Variants in SNX13 observed in about 807,000 individuals in gnomAD.
SNX13 encodes the protein sorting nexin-13.
Under a neutral mutation model 133.6 loss-of-function variants are expected in SNX13, and 45 were observed. The ratio of observed to expected loss-of-function variants is 0.34; its 90% CI spans 0.27 to 0.43. The LOEUF is 0.43. Among genes scored for constraint, SNX13 ranks in the 20% least tolerant of loss-of-function variants. The pLI is 1.00. For missense variants in SNX13, 1,032 were observed against 1,145.1 expected (o/e 0.90, Z 1.43); for synonymous variants, 414 against 373.9 (o/e 1.11, Z -1.24).
rs1766986398 is a variant in SNX13, at chr7:17,790,987, AT to A, written c.*3057del. On this transcript the variant is annotated 3_prime_UTR_variant, in exon 26 of 26. Coordinates refer to ENST00000428135, the MANE Select transcript of SNX13 (RefSeq NM_015132.5). ...TATAATCCTAAAATGTGCTCTTCAT[AT>A]TTTTTCCCTTGTAATACAGGAGCCA... The A allele has an allele frequency of 6.6e-6, 1 of 151,972 alleles. No individual in the cohort carries two copies. The highest frequency in any genetic ancestry group is 2.1e-4 in the South Asian group (1 of 4,832). The allele number at this position is 151,972 out of a possible 1,614,324, so 9.4% of individuals were successfully genotyped here.
Position 17,814,889 on chromosome 7 carries a change from T to C in SNX13, c.2009A>G (p.Tyr670Cys). The C allele has an allele frequency of 1.9e-6, 3 of 1,549,938 alleles. No individual in the cohort carries two copies. The highest frequency in any genetic ancestry group is 2.6e-6 in the Non-Finnish European group (3 of 1,155,332). ...GTAGGCTTTGTTCTCAAGGAAATCA[T>C]ACACATAGTGAGCTAAAGCGGGGGA... ...KASPALAHYV[Y>C]DFLENKAYSK... The change falls in exon 20 of 26, where the codon TAT becomes TGT. Residue 670 changes from tyrosine (Y) to cysteine (C), a missense_variant. Transcript: ENST00000428135.
intron 4 of SNX13, among the ~76,000 whole-genome samples, chr7:17,891,139 G>GT (rs890218783): frequency 3.3e-5 from 5 of 151,754 alleles, no homozygotes; most frequent in African/African-American, 7.2e-5. Flanking sequence ...AGGGGGCATA[G>GT]TTTTTTTACC....
At chr7:17,901,462 G>C (rs754598197) in intron 1 of SNX13, among the ~76,000 whole-genome samples, 3 of 152,130 alleles carry the variant, frequency 2.0e-5, no homozygotes, top group African/African-American at 7.2e-5. Flanking sequence ...CAGTGGCAAG[G>C]GTTGCTGGAC....
chr7:17,888,685 C>T, intron 5 of SNX13: 1 of 470,786 alleles, frequency 2.1e-6, no homozygotes, highest in South Asian at 1.5e-5. Context: ...CTCCACTGAG[C>T]AGGGACTTTG....
rs749743751 is a variant in SNX13, at chr7:17,897,487, C to T, written c.13-41G>A. ...AATATAAGTAAATTAGTAAATAATT[C>T]TCCACATGAATTAGAAAAGAACCAA... is the stretch of plus-strand genomic sequence containing the variant. On this transcript the variant is annotated intron_variant, in intron 1 of 25. Coordinates refer to ENST00000428135, the MANE Select transcript of SNX13 (RefSeq NM_015132.5). The T allele has an allele frequency of 5.2e-6, 6 of 1,147,626 alleles. No homozygotes were observed. The South Asian group carries it at 6.9e-5, about 13-fold the overall frequency. 71.1% of individuals were successfully genotyped at this position (1,147,626 alleles called of 1,614,324 possible). A position where few individuals can be genotyped will look rare whatever the true frequency, so the allele number is the denominator to read the frequency against.
At chr7:17,801,439 C>A in intron 22 of SNX13, 149 bp downstream of exon 22, 1 of 617,354 alleles carries the variant, frequency 1.6e-6, no homozygotes, top group Non-Finnish European at 2.8e-6. Context: ...GTGTTAATTA[C>A]ATGGGCATGT....
intron 1 of SNX13, among the ~76,000 whole-genome samples, chr7:17,934,328 T>G (rs987845573): frequency 3.3e-5 from 5 of 152,190 alleles, no homozygotes; most frequent in Non-Finnish European, 7.3e-5. Flanking sequence ...AAAGCCATAA[T>G]CTGAGAACCT....
intron 1 of SNX13, among the ~76,000 whole-genome samples, chr7:17,906,877 A>T (rs1486894178): frequency 6.6e-6 from 1 of 152,110 alleles, no homozygotes; most frequent in Non-Finnish European, 1.5e-5. Context: ...CTTTAAACTG[A>T]TTCAACAAAA....
chr7:17,905,393 A>G (rs1214184841), intron 1 of SNX13, among the ~76,000 whole-genome samples: 1 of 152,224 alleles, frequency 6.6e-6, no homozygotes, highest in Non-Finnish European at 1.5e-5. Context: ...TAAAATATAC[A>G]TGTAATGATA....
At position 17,845,501 on chromosome 7, in the gene SNX13, T is replaced by C. The variant is rs368992578; in HGVS notation, c.1165+94A>G. 1.9e-4 allele frequency: 141 copies of C among 750,974 alleles called. 2 individuals carry two copies. The highest frequency in any genetic ancestry group is 1.7e-3 in the African/African-American group (95 of 55,860). The allele number at this position is 750,974 out of a possible 1,614,324, so 46.5% of individuals were successfully genotyped here. A position where few individuals can be genotyped will look rare whatever the true frequency, so the allele number is the denominator to read the frequency against. ...TATCACTGAACTATACACTTAAAAA[T>C]AGTTGAGATACTAAATTTTATGTGT... On this transcript the variant is annotated intron_variant, in intron 12 of 25. Coordinates refer to ENST00000428135, the MANE Select transcript of SNX13 (RefSeq NM_015132.5).
intron 17 of SNX13, among the ~76,000 whole-genome samples, chr7:17,824,687 C>G (rs958235103): frequency 1.3e-5 from 2 of 151,666 alleles, no homozygotes; most frequent in African/African-American, 4.8e-5. Flanking sequence ...GGTTTGAGCC[C>G]AAGCAATTCA....
chr7:17,830,594 A>C (rs1788380017), intron 15 of SNX13: 12 of 983,856 alleles, frequency 1.2e-5, no homozygotes, highest in Non-Finnish European at 1.4e-5. Context: ...ACAAAAAGAC[A>C]GTTAAAACTG....
At chr7:17,851,180 T>C (rs1038190709) in intron 9 of SNX13, among the ~76,000 whole-genome samples, 1 of 152,214 alleles carries the variant, frequency 6.6e-6, no homozygotes, top group African/African-American at 2.4e-5. Context: ...ACTGTAGGAA[T>C]AGGAACATGC....
At chr7:17,875,456 A>G in intron 7 of SNX13, 24 bp downstream of exon 7, 1 of 1,595,352 alleles carries the variant, frequency 6.3e-7, no homozygotes, top group South Asian at 1.1e-5. Context: ...TACTATTGTC[A>G]AAAAAGTTAA....
chr7:17,795,863 T>G (rs567784613), intron 25 of SNX13: 1 of 151,902 alleles, frequency 6.6e-6, no homozygotes, highest in East Asian at 1.9e-4. Context: ...TAATTTGCTT[T>G]TTTATCAGCA....
chr7:17,813,607 G>C (rs1351136089), intron 20 of SNX13, among the ~76,000 whole-genome samples: 1 of 141,518 alleles, frequency 7.1e-6, no homozygotes, highest in Non-Finnish European at 1.5e-5. Flanking sequence ...TTTTTTTTGA[G>C]ACAGGGTCTT....
intron 1 of SNX13, among the ~76,000 whole-genome samples, chr7:17,935,981 G>A (rs916074170): frequency 3.3e-5 from 5 of 152,156 alleles, no homozygotes; most frequent in East Asian, 1.9e-4. Context: ...GTGTGTGAGC[G>A]TGGATGTATG....
rs1005328907 is a variant in SNX13 at position 17,793,358 on chromosome 7, C to T, written c.*687G>A. 6.6e-6 allele frequency: 1 copy of T among 152,000 alleles called. No homozygotes were observed. Among genetic ancestry groups the T allele is most frequent in the South Asian group, 2.1e-4 (1 of 4,822 alleles). 9.4% of individuals were successfully genotyped at this position (152,000 alleles called of 1,614,324 possible). A position where few individuals can be genotyped will look rare whatever the true frequency, so the allele number is the denominator to read the frequency against. The stretch of plus-strand genomic sequence containing the variant: ...TGAGTACCCTAAGAGCAAAACACAG[C>T]CCTTAAAGCACACATAAGAATAAAA... On this transcript the variant is annotated 3_prime_UTR_variant, in exon 26 of 26. Transcript: ENST00000428135.
intron 5 of SNX13, among the ~76,000 whole-genome samples, chr7:17,878,207 G>T (rs940446110): frequency 6.6e-6 from 1 of 151,790 alleles, no homozygotes; most frequent in Non-Finnish European, 1.5e-5. Context: ...TTTTCATTTT[G>T]CTTAAAATAT....
Sources: allele counts gnomAD v4.1 joint callset (sites outside exome capture counted in the v4.1 genomes callset), GRCh38; gene constraint gnomAD v4.1.1; transcripts MANE v1.5; gene names NCBI Gene and HGNC (gene_info 2026-07-23, HGNC 2026-07-21).